Variants in GABRB2 observed in about 807,000 individuals in gnomAD.
GABRB2 encodes gamma-aminobutyric acid type A receptor subunit beta2.
In GABRB2, 16 loss-of-function variants were observed where a neutral mutation model predicts 54.7. The ratio of observed to expected loss-of-function variants is 0.29; its 90% CI spans 0.20 to 0.44. GABRB2 has a LOEUF of 0.44. GABRB2 is among the 20% of genes least tolerant of loss of function. The pLI, the probability that GABRB2 is intolerant of heterozygous loss-of-function variation, is 1.00. For missense variants in GABRB2, 355 were observed against 644.0 expected (o/e 0.55, Z 4.86); for synonymous variants, 244 against 233.8 (o/e 1.04, Z -0.40).
chr5:161,505,658 T>A (rs1171388204), intron 3 of GABRB2, among the ~76,000 whole-genome samples: 1 of 152,158 alleles, frequency 6.6e-6, no homozygotes, highest in Admixed American at 6.5e-5. Flanking sequence ...TTAATACATT[T>A]CCGTGACTCA....
chr5:161,472,467 C>A (rs934474302), intron 3 of GABRB2, among the ~76,000 whole-genome samples: 1 of 150,818 alleles, frequency 6.6e-6, no homozygotes, highest in Non-Finnish European at 1.5e-5. Context: ...CACACACACA[C>A]ACACAGTCAT....
At chr5:161,436,266 C>T (rs1395493579) in intron 4 of GABRB2, among the ~76,000 whole-genome samples, 1 of 152,148 alleles carries the variant, frequency 6.6e-6, no homozygotes, top group African/African-American at 2.4e-5. Flanking sequence ...AGCACAGTGG[C>T]TCACACTTGC....
intron 4 of GABRB2, among the ~76,000 whole-genome samples, chr5:161,446,833 T>A (rs1757627056): frequency 6.6e-6 from 1 of 152,092 alleles, no homozygotes; most frequent in Admixed American, 6.6e-5. Context: ...TCTCATCATC[T>A]GTTACATATT....
chr5:161,450,009 A>G (rs984349136), intron 4 of GABRB2, among the ~76,000 whole-genome samples: 2 of 152,182 alleles, frequency 1.3e-5, no homozygotes, highest in African/African-American at 4.8e-5. Context: ...CATTAATAAA[A>G]TATCCTCAAT....
At chr5:161,365,608 A>C (rs1754949726) in intron 5 of GABRB2, among the ~76,000 whole-genome samples, 1 of 152,206 alleles carries the variant, frequency 6.6e-6, no homozygotes, top group Non-Finnish European at 1.5e-5. Flanking sequence ...CACATTAAGT[A>C]ACCCTATTAG....
At chr5:161,506,205 T>G (rs570587106) in intron 3 of GABRB2, among the ~76,000 whole-genome samples, 13 of 151,946 alleles carry the variant, frequency 8.6e-5, no homozygotes, top group Non-Finnish European at 1.3e-4. Context: ...TAAGGAAAAG[T>G]TTTAACAAAT....
chr5:161,360,431 G>A (rs937513792), intron 5 of GABRB2, among the ~76,000 whole-genome samples: 3 of 152,176 alleles, frequency 2.0e-5, no homozygotes, highest in Non-Finnish European at 4.4e-5. Flanking sequence ...AATGGCATCT[G>A]CATGGATCAT....
intron 4 of GABRB2, among the ~76,000 whole-genome samples, chr5:161,428,339 A>G (rs2113166435): frequency 6.6e-6 from 1 of 151,102 alleles, no homozygotes; most frequent in Non-Finnish European, 1.5e-5. Flanking sequence ...AGCAGCTGAA[A>G]TCCACTTGAC....
intron 3 of GABRB2, among the ~76,000 whole-genome samples, chr5:161,489,611 T>C (rs1379706954): frequency 6.6e-6 from 1 of 151,616 alleles, no homozygotes; most frequent in East Asian, 2.0e-4. Context: ...ACAGGCTACA[T>C]TGATAAAGGT....
intron 3 of GABRB2, among the ~76,000 whole-genome samples, chr5:161,486,445 G>A (rs1244704571): frequency 2.6e-5 from 4 of 151,936 alleles, no homozygotes; most frequent in African/African-American, 9.7e-5. Flanking sequence ...TGTAAGGCAC[G>A]TTGTCAACAA....
At chr5:161,324,768 A>G (rs1758315164) in intron 9 of GABRB2, among the ~76,000 whole-genome samples, 1 of 152,180 alleles carries the variant, frequency 6.6e-6, no homozygotes, top group Admixed American at 6.5e-5. Flanking sequence ...AAAGGACAGC[A>G]TAAAGACATA....
rs537604796 is a variant in GABRB2, at chr5:161,290,311, G to A, written c.*3770C>T. On this transcript the variant is annotated 3_prime_UTR_variant, in exon 10 of 10. Transcript: ENST00000393959. ...TTTTTCATTTTCTTAAGACATGTTT[G>A]TTTTTGACTCACCAATGGACAATGT... 12 of 147,894 alleles carry A rather than the reference G, an allele frequency of 8.1e-5. No homozygotes were observed. The highest frequency in any genetic ancestry group is 1.6e-4 in the Non-Finnish European group (11 of 66,820). 9.2% of individuals were successfully genotyped at this position (147,894 alleles called of 1,614,324 possible).
At chr5:161,390,993 C>G (rs578129160) in intron 5 of GABRB2, among the ~76,000 whole-genome samples, 1 of 152,110 alleles carries the variant, frequency 6.6e-6, no homozygotes, top group Non-Finnish European at 1.5e-5. Flanking sequence ...TTGGACAGAA[C>G]TCATTCCAGT....
At chr5:161,376,478 C>G (rs1432235595) in intron 5 of GABRB2, among the ~76,000 whole-genome samples, 1 of 151,960 alleles carries the variant, frequency 6.6e-6, no homozygotes, top group Admixed American at 6.6e-5. Flanking sequence ...AAAAAAATGC[C>G]TTTTTCCTAA....
intron 2 of GABRB2, 113 bp from the exon 3 acceptor site, chr5:161,545,407 T>C (rs896492398): frequency 3.4e-5 from 13 of 381,218 alleles, no homozygotes; most frequent in African/African-American, 2.6e-4. Context: ...CTACTCAATC[T>C]CAAATTTTTC....
At chr5:161,299,057 G>C (rs947591267) in intron 9 of GABRB2, among the ~76,000 whole-genome samples, 22 of 152,264 alleles carry the variant, frequency 1.4e-4, no homozygotes, top group African/African-American at 5.3e-4. Flanking sequence ...GGTAGGGGCA[G>C]TCAACTGGAG....
chr5:161,359,771 T>A (rs1223261799), intron 5 of GABRB2, among the ~76,000 whole-genome samples: 1 of 152,170 alleles, frequency 6.6e-6, no homozygotes, highest in Non-Finnish European at 1.5e-5. Context: ...AGTAATTAAC[T>A]CATGTTATAC....
intron 4 of GABRB2, among the ~76,000 whole-genome samples, chr5:161,431,868 A>G (rs1321553569): frequency 6.6e-6 from 1 of 152,206 alleles, no homozygotes; most frequent in Admixed American, 6.5e-5. Context: ...TGTAAGATTT[A>G]AGTAGATACT....
chr5:161,320,127 A>G lies in GABRB2; in HGVS notation c.1191+6241T>C, dbSNP rs545620083. On this transcript the variant is annotated intron_variant, in intron 9 of 9. Transcript: ENST00000393959. ...GTTATTTTGATTTTCTAATTTGTTA[A>G]TTTATAATTGATCTTGATTATTCCT... Among the ~76,000 whole-genome samples, 20 of 151,460 alleles carry G rather than the reference A, an allele frequency of 1.3e-4. No homozygotes were observed. In the South Asian group the frequency reaches 1.5e-3, roughly 11 times the overall value.
Sources: gnomAD v4.1 joint callset for allele counts (sites outside exome capture counted in the v4.1 genomes callset) on GRCh38, gnomAD v4.1.1 for gene constraint, MANE v1.5 for transcripts, NCBI Gene and HGNC (gene_info 2026-07-23, HGNC 2026-07-21) for gene names.